The following C8orf89 variants were observed in gnomAD, a reference collection of about 807,000 sequenced individuals.
The protein encoded by C8orf89 is putative uncharacterized protein C8orf89.
C8orf89 carries 14 observed loss-of-function variants against 15.8 expected under a neutral mutation model. The observed-to-expected ratio is 0.89, with a 90% CI of 0.59 to 1.39. The LOEUF (loss-of-function observed/expected upper bound fraction) is 1.39, where lower values mean the gene tolerates loss of function less well. Ranked by LOEUF, C8orf89 falls within the 40% of genes most tolerant of loss-of-function variation. The probability of loss-of-function intolerance (pLI) is 0.00; values close to 1 mark genes in which losing one functional copy is unlikely to be tolerated. For missense variants in C8orf89, 181 were observed against 184.5 expected, an observed-to-expected ratio of 0.98 and a Z score of 0.11; for synonymous variants, 55 against 62.2, an observed-to-expected ratio of 0.88 and a Z score of 0.54.
chr8:73,277,442 C>T, the C8orf89 span: 1 of 1,147,442 alleles, frequency 8.7e-7, no homozygotes, highest in South Asian at 1.4e-5. Context: ...ACTTTGTCTC[C>T]AAATTCTTTT....
chr8:73,278,134 T>A, the C8orf89 span: 50 of 307,380 alleles, frequency 1.6e-4, no homozygotes, highest in Non-Finnish European at 2.9e-4. Flanking sequence ...AATGCCAGAT[T>A]CAGAAACCTC....
chr8:73,284,460 G>A, the C8orf89 span, among the ~76,000 whole-genome samples: 24 of 152,014 alleles, frequency 1.6e-4, no homozygotes, highest in Non-Finnish European at 2.4e-4. Context: ...TGATCTGCCC[G>A]CCTCGGCCTC....
upstream of C8orf89, among the ~76,000 whole-genome samples, chr8:73,262,668 A>G (rs563878597): frequency 6.6e-6 from 1 of 151,918 alleles, no homozygotes; most frequent in East Asian, 1.9e-4. Context: ...AAATTTTAAA[A>G]CAGCCAAGCA....
At chr8:73,260,470 G>A (rs886248320), upstream of C8orf89, among the ~76,000 whole-genome samples, 2 of 152,050 alleles carry the variant, frequency 1.3e-5, no homozygotes, top group Non-Finnish European at 2.9e-5. Flanking sequence ...CACCAGCATG[G>A]CACATGTATA....
At chr8:73,248,794 T>C (rs955253929) in intron 3 of C8orf89, among the ~76,000 whole-genome samples, 1 of 152,186 alleles carries the variant, frequency 6.6e-6, no homozygotes, top group Non-Finnish European at 1.5e-5. Flanking sequence ...TGATTTTGTA[T>C]CTTGAAATTT....
the C8orf89 span, among the ~76,000 whole-genome samples, chr8:73,272,531 T>C: frequency 6.6e-6 from 1 of 152,132 alleles, no homozygotes; most frequent in South Asian, 2.1e-4. Context: ...TGTATACATG[T>C]GCCGTGTTGG....
At chr8:73,264,495 G>A (rs1326790079), upstream of C8orf89, among the ~76,000 whole-genome samples, 1 of 151,976 alleles carries the variant, frequency 6.6e-6, no homozygotes, top group Non-Finnish European at 1.5e-5. Context: ...TTGACAAAGT[G>A]ATCTCTTTTT....
the C8orf89 span, chr8:73,277,533 G>A: frequency 1.3e-6 from 1 of 767,446 alleles, no homozygotes; most frequent in South Asian, 1.4e-5. Flanking sequence ...CTCCTTCCAG[G>A]TTTCCAGAGA....
the C8orf89 span, among the ~76,000 whole-genome samples, chr8:73,273,475 G>T: frequency 6.6e-6 from 1 of 152,204 alleles, no homozygotes; most frequent in South Asian, 2.1e-4. Flanking sequence ...TGCCACCTTG[G>T]CCCTCTCCAG....
intron 3 of C8orf89, among the ~76,000 whole-genome samples, chr8:73,249,153 G>T (rs1282416419): frequency 6.6e-6 from 1 of 152,166 alleles, no homozygotes; most frequent in Non-Finnish European, 1.5e-5. Context: ...TTTATCAAAA[G>T]TCTTTTCTGC....
At chr8:73,247,090 T>C (rs1025875038) in intron 3 of C8orf89, among the ~76,000 whole-genome samples, 4 of 152,230 alleles carry the variant, frequency 2.6e-5, no homozygotes, top group African/African-American at 9.6e-5. Flanking sequence ...GTTTGTTACA[T>C]AGGTAAACTT....
At chr8:73,274,765 A>T in the C8orf89 span, among the ~76,000 whole-genome samples, 1 of 152,144 alleles carries the variant, frequency 6.6e-6, no homozygotes, top group African/African-American at 2.4e-5. Flanking sequence ...GAGTTGTTTG[A>T]TATCTTATTA....
At chr8:73,253,856 T>C (rs3929004) in intron 2 of C8orf89, among the ~76,000 whole-genome samples, 1 of 149,498 alleles carries the variant, frequency 6.7e-6, no homozygotes, top group Admixed American at 6.6e-5. Flanking sequence ...GTTTTCTAGA[T>C]ATACAATCAT....
At chr8:73,277,720 A>T in the C8orf89 span, 3 of 749,456 alleles carry the variant, frequency 4.0e-6, no homozygotes, top group Non-Finnish European at 7.5e-6. Context: ...CACTGCATAG[A>T]GGGGGACACC....
the C8orf89 span, among the ~76,000 whole-genome samples, chr8:73,270,560 T>C: frequency 6.6e-6 from 1 of 152,112 alleles, no homozygotes; most frequent in African/African-American, 2.4e-5. Flanking sequence ...GGAGGGGAGA[T>C]GGCCGAAGGA....
intron 3 of C8orf89, among the ~76,000 whole-genome samples, chr8:73,242,383 C>G (rs956927415): frequency 4.6e-5 from 7 of 152,044 alleles, no homozygotes; most frequent in African/African-American, 1.7e-4. Context: ...CTGAGGTGAG[C>G]AGATCCCTTG....
At chr8:73,277,860 T>A in the C8orf89 span, 8 of 700,034 alleles carry the variant, frequency 1.1e-5, no homozygotes, top group African/African-American at 1.2e-4. Flanking sequence ...GCTTTCAAAG[T>A]CCTTGGTTCC....
intron 2 of C8orf89, 86 bp from the exon 3 acceptor site, chr8:73,250,409 A>G: frequency 2.7e-6 from 2 of 735,548 alleles, no homozygotes; most frequent in Non-Finnish European, 4.5e-6. Context: ...TCACATAGAC[A>G]TTAAATAAAT....
chr8:73,257,122 A>G lies in C8orf89; in HGVS notation c.132T>C (p.Tyr44=), dbSNP rs1360004516. ...GCTCTTCTAGACCAAATGCTGTGGTATATTCTGGTTAAAAATATATAAGAA... is the reference window on the plus strand; with the variant it reads ...GCTCTTCTAGACCAAATGCTGTGGTGTATTCTGGTTAAAAATATATAAGAA... The part of the protein sequence containing the change: ...VLETQKIKKE[Y]TTAFGLEELK... The change falls in exon 2 of 4, where the codon TAT becomes TAC. Residue 44 remains tyrosine (Y), a synonymous_variant. Transcript: ENST00000624510. 2 of 1,526,350 alleles carry G rather than the reference A, an allele frequency of 1.3e-6. No homozygotes were observed. The highest frequency in any genetic ancestry group is 8.8e-7 in the Non-Finnish European group (1 of 1,141,352). The allele number at this position is 1,526,350 out of a possible 1,614,324, so 94.6% of individuals were successfully genotyped here.
Sources: allele counts gnomAD v4.1 joint callset (sites outside exome capture counted in the v4.1 genomes callset), GRCh38; gene constraint gnomAD v4.1.1; transcripts MANE v1.5; gene names NCBI Gene and HGNC (gene_info 2026-07-23, HGNC 2026-07-21).